Variants in PTPRU observed in about 807,000 individuals in gnomAD.
PTPRU encodes the protein receptor-type tyrosine-protein phosphatase U.
A neutral mutation model predicts 166.3 loss-of-function variants in PTPRU; 69 were observed. The ratio of observed to expected loss-of-function variants is 0.41; its 90% CI spans 0.34 to 0.51. The LOEUF (loss-of-function observed/expected upper bound fraction) is 0.51, where lower values mean the gene tolerates loss of function less well. Among genes scored for constraint, PTPRU ranks in the 20% least tolerant of loss-of-function variants. PTPRU has a pLI of 0.09. For missense variants in PTPRU, 1,657 were observed against 2,013.7 expected, an observed-to-expected ratio of 0.82 and a Z score of 3.39; for synonymous variants, 793 against 814.0, an observed-to-expected ratio of 0.97 and a Z score of 0.44.
At chr1:29,262,761 CAACCATT>C (rs1349901693) in intron 7 of PTPRU, among the ~76,000 whole-genome samples, 1 of 152,034 alleles carries the variant, frequency 6.6e-6, no homozygotes, top group Non-Finnish European at 1.5e-5. Flanking sequence ...TTAATTGAGT[CAACCATT>C]AACCATTAAT....
chr1:29,270,063 T>G (rs1685494842), intron 7 of PTPRU, among the ~76,000 whole-genome samples: 1 of 152,310 alleles, frequency 6.6e-6, no homozygotes, highest in East Asian at 1.9e-4. Flanking sequence ...CCTGAGTTAT[T>G]TCTTTAGGAT....
Position 29,238,175 on chromosome 1 carries a change from T to C in PTPRU, c.73+1458T>C, listed in dbSNP as rs1402409029. 6.6e-6 allele frequency among the ~76,000 whole-genome samples: 1 copy of C among 151,228 alleles called. No homozygotes were observed. Among genetic ancestry groups the C allele is most frequent in the Non-Finnish European group, 1.5e-5 (1 of 67,544 alleles). ...CTGGTGTCTTTGGTGTGCGTGCGCG[T>C]GTGTGTGTGCGCGCAGCTGAATGTA... On this transcript the variant is annotated intron_variant, in intron 1 of 29. Transcript: ENST00000373779. The surrounding 1 kb of genome is among the most constrained non-coding windows in gnomAD (Gnocchi z 6.1).
At chr1:29,321,952 G>A (rs552534175) in intron 26 of PTPRU, among the ~76,000 whole-genome samples, 2 of 152,364 alleles carry the variant, frequency 1.3e-5, no homozygotes, top group South Asian at 4.1e-4. Flanking sequence ...GCCTGACCAT[G>A]TGCTTTAGGT....
rs1441993616 is a variant in PTPRU at position 29,282,890 on chromosome 1, C to G, written c.2083C>G (p.Pro695Ala). 3 of 1,614,010 alleles carry G rather than the reference C, an allele frequency of 1.9e-6. No individual in the cohort carries two copies. The highest frequency in any genetic ancestry group is 2.5e-6 in the Non-Finnish European group (3 of 1,180,012). The change falls in exon 12 of 30, where the codon CCA (proline) becomes GCA (alanine). Residue 695 changes from proline to alanine, a missense_variant. Pro to Ala is a conservative substitution (Grantham distance 27). Coordinates refer to ENST00000373779, the MANE Select transcript of PTPRU (RefSeq NM_133178.4). Reference protein sequence around the residue: ...NQTYRGFWNPPLEPRKAYLIY... With the variant: ...NQTYRGFWNPALEPRKAYLIY... The stretch of plus-strand genomic sequence containing the variant: ...GACCTACCGAGGCTTCTGGAACCCA[C>G]CACTTGAGCCTAGGAAGGCCTATCT...
chr1:29,319,257 G>A (rs556383128), intron 25 of PTPRU, among the ~76,000 whole-genome samples: 23 of 144,580 alleles, frequency 1.6e-4, no homozygotes, highest in African/African-American at 5.2e-4. Flanking sequence ...GTGCCCTCCC[G>A]CCCAGCCCCC....
Position 29,281,118 on chromosome 1 carries a change from G to A in PTPRU, c.1868+977G>A, listed in dbSNP as rs189170199. On this transcript the variant is annotated intron_variant, in intron 11 of 29. Coordinates refer to ENST00000373779, the MANE Select transcript of PTPRU (RefSeq NM_133178.4). ...TGGGAGAGGGTGACAGCCTTTAGGTGGGGGGGGTGTGAGGGTCCTAGTCAG... is the reference window on the plus strand; with the variant it reads ...TGGGAGAGGGTGACAGCCTTTAGGTAGGGGGGGTGTGAGGGTCCTAGTCAG... Among the ~76,000 whole-genome samples the A allele has an allele frequency of 4.8e-3, 713 of 148,858 alleles. 4 individuals are homozygous for A. The highest frequency in any genetic ancestry group is 7.6e-3 in the Non-Finnish European group (512 of 67,710).
chr1:29,290,147 A>G (rs958321558), intron 14 of PTPRU, among the ~76,000 whole-genome samples: 4 of 152,068 alleles, frequency 2.6e-5, no homozygotes, highest in African/African-American at 7.2e-5. Flanking sequence ...GGTGGGGCCT[A>G]CCTGTTCTGA....
Position 29,258,793 on chromosome 1 carries a change from C to G in PTPRU, c.477+17C>G. ...GAATATCAGGTGGGCTGGGTTCAGT[C>G]AGCGGTCAGCCTGTGCCTGGAGGTG... On this transcript the variant is annotated intron_variant, in intron 3 of 29. Transcript: ENST00000373779. 6.4e-7 allele frequency: 1 copy of G among 1,553,938 alleles called. No homozygotes were observed. The highest frequency in any genetic ancestry group is 2.3e-5 in the East Asian group (1 of 44,390).
intron 8 of PTPRU, among the ~76,000 whole-genome samples, chr1:29,278,146 C>T (rs75521358): frequency 0.046 from 7,028 of 152,024 alleles, 314 homozygotes; most frequent in African/African-American, 0.12. Flanking sequence ...GAGCTACACT[C>T]GAATGCTATC....
intron 1 of PTPRU, among the ~76,000 whole-genome samples, chr1:29,243,676 C>T (rs534955861): frequency 8.5e-5 from 13 of 152,350 alleles, no homozygotes; most frequent in African/African-American, 2.6e-4. Context: ...TGCGGTTTTC[C>T]ATCTCCTTTT....
At chr1:29,264,846 A>G (rs916355811) in intron 7 of PTPRU, among the ~76,000 whole-genome samples, 2 of 152,154 alleles carry the variant, frequency 1.3e-5, no homozygotes, top group African/African-American at 2.4e-5. Flanking sequence ...TGAAAAGTCT[A>G]TTCTTATTGA....
intron 3 of PTPRU, among the ~76,000 whole-genome samples, chr1:29,259,038 G>A (rs1684900338): frequency 6.6e-6 from 1 of 152,140 alleles, no homozygotes; most frequent in South Asian, 2.1e-4. Flanking sequence ...GGCTGCTTGA[G>A]GGTAACTGTC....
At chr1:29,241,960 C>T (rs938911966) in intron 1 of PTPRU, among the ~76,000 whole-genome samples, 6 of 147,538 alleles carry the variant, frequency 4.1e-5, no homozygotes, top group South Asian at 2.2e-4. Flanking sequence ...GGCATGATCT[C>T]GGCTCACTGC....
chr1:29,273,690 A>C (rs940157692), intron 7 of PTPRU, among the ~76,000 whole-genome samples: 6 of 152,168 alleles, frequency 3.9e-5, no homozygotes, highest in Non-Finnish European at 8.8e-5. Flanking sequence ...GGCATGAGCC[A>C]CTGTGCCCAG....
chr1:29,324,738 C>G (rs1688324425), intron 28 of PTPRU, among the ~76,000 whole-genome samples: 1 of 152,214 alleles, frequency 6.6e-6, no homozygotes, highest in Non-Finnish European at 1.5e-5. Flanking sequence ...GTCTTAGCCT[C>G]TGATCCTTCT....
rs956330877 is a variant in PTPRU at position 29,293,215 on chromosome 1, T to C, written c.2476+1189T>C. ...CTGGTCTTGAACTCCTGACCTTAGG[T>C]GATCCACCCACCTTGGCCTCCCAGA... On this transcript the variant is annotated intron_variant, in intron 15 of 29. Coordinates refer to ENST00000373779, the MANE Select transcript of PTPRU (RefSeq NM_133178.4). Among the ~76,000 whole-genome samples the C allele has an allele frequency of 3.3e-5, 5 of 152,266 alleles. No homozygotes were observed. The East Asian group carries it at 7.7e-4, about 24-fold the overall frequency.
At chr1:29,281,295 C>T (rs1366713164) in intron 11 of PTPRU, among the ~76,000 whole-genome samples, 2 of 152,124 alleles carry the variant, frequency 1.3e-5, no homozygotes, top group African/African-American at 2.4e-5. Context: ...CAGGGAAGAC[C>T]CAGGAAAAAG....
Position 29,238,046 on chromosome 1 carries a change from C to G in PTPRU, c.73+1329C>G, listed in dbSNP as rs1315371999. 1.3e-5 allele frequency among the ~76,000 whole-genome samples: 2 copies of G among 151,492 alleles called. No individual in the cohort carries two copies. Among genetic ancestry groups the G allele is most frequent in the African/African-American group, 2.4e-5 (1 of 41,318 alleles). ...CTGCAACTTTGTGCGGCCTCCCGGC[C>G]GGCCGGGACCGCCAGGTGTGTGCTT... On this transcript the variant is annotated intron_variant, in intron 1 of 29. Coordinates refer to ENST00000373779, the MANE Select transcript of PTPRU (RefSeq NM_133178.4). This position sits in a 1 kb window ranked among gnomAD's most constrained non-coding sequence, Gnocchi z 6.1.
At position 29,289,748 on chromosome 1, in the gene PTPRU, C is replaced by T. The variant is rs764881916; in HGVS notation, c.2319-2121C>T. On this transcript the variant is annotated intron_variant, in intron 14 of 29. Transcript: ENST00000373779. ...CTACCTTGCCTGGGAGTCCCCGGCC[C>T]TGCCTAGGGGGAGATCCCCTGTCCC... 8.1e-6 allele frequency: 13 copies of T among 1,609,662 alleles called. No individual in the cohort carries two copies. In the Admixed American group the frequency reaches 2.0e-4, roughly 25 times the overall value.
Sources: gnomAD v4.1 joint callset for allele counts (sites outside exome capture counted in the v4.1 genomes callset) on GRCh38, gnomAD v4.1.1 for gene constraint, Gnocchi (gnomAD v3.1) non-coding constraint, MANE v1.5 for transcripts, NCBI Gene and HGNC (gene_info 2026-07-23, HGNC 2026-07-21) for gene names.